TRPC7: variants seen among roughly 807,000 people sequenced by gnomAD.
TRPC7 encodes the protein short transient receptor potential channel 7.
In TRPC7, 42 loss-of-function variants were observed where a neutral mutation model predicts 90.1. The ratio of observed to expected loss-of-function variants is 0.47; its 90% CI spans 0.36 to 0.60. TRPC7 has a LOEUF of 0.60. Among genes scored for constraint, TRPC7 ranks in the 20% least tolerant of loss-of-function variants. The pLI, the probability that TRPC7 is intolerant of heterozygous loss-of-function variation, is 0.00. For missense variants in TRPC7, 955 were observed against 1,112.3 expected (o/e 0.86, Z 2.01); for synonymous variants, 451 against 436.3 (o/e 1.03, Z -0.42).
chr5:136,278,203 C>T (rs1270010726), intron 3 of TRPC7, among the ~76,000 whole-genome samples: 1 of 152,214 alleles, frequency 6.6e-6, no homozygotes, highest in East Asian at 1.9e-4. Flanking sequence ...TTAGTCACTC[C>T]CTTTAATTGT....
At chr5:136,267,781 T>C (rs1218093070) in intron 4 of TRPC7, among the ~76,000 whole-genome samples, 1 of 152,224 alleles carries the variant, frequency 6.6e-6, no homozygotes, top group African/African-American at 2.4e-5. Flanking sequence ...TTAAAAAATA[T>C]CCAAGCATTA....
intron 2 of TRPC7, among the ~76,000 whole-genome samples, chr5:136,326,329 T>G (rs545144639): frequency 6.6e-6 from 1 of 152,328 alleles, no homozygotes; most frequent in South Asian, 2.1e-4. Flanking sequence ...GAGGAATACA[T>G]GTATATATAG....
chr5:136,242,341 T>C (rs1430789494), intron 7 of TRPC7, among the ~76,000 whole-genome samples: 1 of 152,206 alleles, frequency 6.6e-6, no homozygotes, highest in Non-Finnish European at 1.5e-5. Flanking sequence ...CTATCTGTCA[T>C]GCCCAGACAG....
intron 5 of TRPC7, among the ~76,000 whole-genome samples, chr5:136,253,088 TGTAAA>T (rs1756576175): frequency 6.6e-6 from 1 of 152,230 alleles, no homozygotes; most frequent in Admixed American, 6.5e-5. Context: ...GAAAAAAGAA[TGTAAA>T]GTATCTCATT....
chr5:136,358,992 A>G (rs1319631436), intron 1 of TRPC7, among the ~76,000 whole-genome samples: 1 of 152,244 alleles, frequency 6.6e-6, no homozygotes, highest in African/African-American at 2.4e-5. Context: ...TCATGCATAA[A>G]CAATACTCAG....
rs141660652 is a variant in TRPC7 at position 136,342,114 on chromosome 5, T to C, written c.780+14494A>G. 4.8e-3 allele frequency among the ~76,000 whole-genome samples: 736 copies of C among 152,328 alleles called. 4 individuals are homozygous for C. The highest frequency in any genetic ancestry group is 7.5e-3 in the Non-Finnish European group (510 of 68,026). On this transcript the variant is annotated intron_variant, in intron 2 of 11. Coordinates refer to ENST00000513104, the MANE Select transcript of TRPC7 (RefSeq NM_020389.3). ...CTACCACTTCCTTTCTAACCCCTAA[T>C]GTGTAATTTTCACAGGCCTTTTAAG...
At position 136,357,245 on chromosome 5, in the gene TRPC7, A is replaced by G; in HGVS notation, c.143T>C (p.Leu48Pro). 6.2e-7 allele frequency: 1 copy of G among 1,613,824 alleles called. No homozygotes were observed. Among genetic ancestry groups the G allele is most frequent in the Non-Finnish European group, 8.5e-7 (1 of 1,179,970 alleles). ...TSLTPEEERF[L>P]DSAEYGNIPV... ...GATGTTGCCATACTCAGCCGAGTCC[A>G]GGAAGCGCTCCTCCTCGGGCGTCAG... Residue 48 changes from leucine to proline, a missense_variant, in exon 2 of 12, where the codon CTG (leucine) becomes CCG (proline). Transcript: ENST00000513104.
At chr5:136,299,803 C>T (rs566144233) in intron 3 of TRPC7, among the ~76,000 whole-genome samples, 45 of 152,252 alleles carry the variant, frequency 3.0e-4, no homozygotes, top group African/African-American at 1.0e-3. Context: ...GAAGATGGCG[C>T]TTGTTGTTCT....
rs368036338 is a variant in TRPC7, at chr5:136,274,733, A to G, written c.1068T>C (p.Phe356=). The G allele has an allele frequency of 8.1e-6, 13 of 1,612,972 alleles. No individual in the cohort carries two copies. The highest frequency in any genetic ancestry group is 1.1e-5 in the Non-Finnish European group (13 of 1,179,558). Residue 356 remains phenylalanine, a synonymous_variant, in exon 4 of 12, where the codon TTT becomes TTC. Transcript: ENST00000513104. The stretch of plus-strand genomic sequence containing the variant: ...GAAAAGGGAGGCCTATGGAGACTCC[A>G]AAGACAGCCAGGAATTTCACAGCGA... ...QSIAVKFLAV[F]GVSIGLPFLA... is the part of the protein sequence containing the mutation.
chr5:136,277,620 C>T (rs1202924517), intron 3 of TRPC7, among the ~76,000 whole-genome samples: 2 of 152,126 alleles, frequency 1.3e-5, no homozygotes, highest in Admixed American at 6.5e-5. Flanking sequence ...AAAGGGCACA[C>T]AGCTAAGGAA....
intron 8 of TRPC7, among the ~76,000 whole-genome samples, chr5:136,228,305 G>T (rs2149795940): frequency 6.6e-6 from 1 of 151,416 alleles, no homozygotes; most frequent in African/African-American, 2.4e-5. Flanking sequence ...TGGGGGGTAG[G>T]GAATTTGTAA....
At chr5:136,354,847 G>A (rs1760311147) in intron 2 of TRPC7, among the ~76,000 whole-genome samples, 1 of 152,170 alleles carries the variant, frequency 6.6e-6, no homozygotes, top group Non-Finnish European at 1.5e-5. Flanking sequence ...GGCGCATTCT[G>A]AGACTCATCT....
At chr5:136,349,228 T>C (rs1033496802) in intron 2 of TRPC7, among the ~76,000 whole-genome samples, 1 of 152,240 alleles carries the variant, frequency 6.6e-6, no homozygotes, top group African/African-American at 2.4e-5. Context: ...GTTTTAGTGT[T>C]CTGCATTTTT....
chr5:136,311,104 C>T (rs751417040), intron 3 of TRPC7, among the ~76,000 whole-genome samples: 2 of 152,176 alleles, frequency 1.3e-5, no homozygotes, highest in Non-Finnish European at 2.9e-5. Flanking sequence ...TAAGGCCTCT[C>T]TCATGCAAAA....
At chr5:136,339,379 G>A (rs930369970) in intron 2 of TRPC7, among the ~76,000 whole-genome samples, 4 of 152,188 alleles carry the variant, frequency 2.6e-5, no homozygotes, top group Admixed American at 1.3e-4. Flanking sequence ...AATTCTGTTA[G>A]AAGGCAGGCA....
intron 3 of TRPC7, among the ~76,000 whole-genome samples, chr5:136,313,374 T>TCTATCTAC (rs1328191450): frequency 1.7e-5 from 1 of 58,266 alleles, no homozygotes; most frequent in Non-Finnish European, 3.5e-5. Context: ...TCAGGAGATG[T>TCTATCTAC]CTGTCTATCT....
rs780475287 is a variant in TRPC7, at chr5:136,216,248, A to G, written c.2371T>C (p.Tyr791His). Residue 791 changes from tyrosine (Y) to histidine (H), a missense_variant, in exon 11 of 12, where the codon TAC (tyrosine) becomes CAC (histidine). Transcript: ENST00000513104. ...QKIMKRLIKR[Y>H]VLKAQVDREN... ...CTGTCCACCTGGGCTTTCAGGACGT[A>G]TCTTTTTATGAGCCGTTTCATGATT... is the stretch of plus-strand genomic sequence containing the variant. The G allele has an allele frequency of 6.2e-7, 1 of 1,613,402 alleles. No homozygotes were observed. The highest frequency in any genetic ancestry group is 1.7e-5 in the Admixed American group (1 of 59,972).
chr5:136,343,549 C>T (rs1759910449), intron 2 of TRPC7, among the ~76,000 whole-genome samples: 1 of 152,152 alleles, frequency 6.6e-6, no homozygotes, highest in South Asian at 2.1e-4. Context: ...TTAGATCATA[C>T]CCTTTTGTCT....
chr5:136,232,208 C>T (rs1159419542), intron 7 of TRPC7, among the ~76,000 whole-genome samples: 1 of 152,194 alleles, frequency 6.6e-6, no homozygotes, highest in Non-Finnish European at 1.5e-5. Flanking sequence ...CCAGAAAGTG[C>T]ATTCTTCCTT....
Sources: gnomAD v4.1 joint callset for allele counts (sites outside exome capture counted in the v4.1 genomes callset) on GRCh38, gnomAD v4.1.1 for gene constraint, MANE v1.5 for transcripts, NCBI Gene and HGNC (gene_info 2026-07-23, HGNC 2026-07-21) for gene names.